RUNX1T1: variants seen among roughly 807,000 people sequenced by gnomAD.
The protein encoded by RUNX1T1 is RUNX1 partner transcriptional co-repressor 1, also known as protein CBFA2T1.
RUNX1T1 carries 4 observed loss-of-function variants against 62.8 expected under a neutral mutation model. The ratio of observed to expected loss-of-function variants is 0.06; its 90% CI spans 0.03 to 0.15. The LOEUF (loss-of-function observed/expected upper bound fraction) is 0.15. Among genes scored for constraint, RUNX1T1 ranks in the 10% least tolerant of loss-of-function variants. The probability of loss-of-function intolerance (pLI) is 1.00; values close to 1 mark genes in which losing one functional copy is unlikely to be tolerated. For missense variants in RUNX1T1, 508 were observed against 754.3 expected, an observed-to-expected ratio of 0.67 and a Z score of 3.82; for synonymous variants, 291 against 286.0, an observed-to-expected ratio of 1.02 and a Z score of -0.18.
intron 1 of RUNX1T1, among the ~76,000 whole-genome samples, chr8:92,043,449 G>A (rs1828829326): frequency 6.6e-6 from 1 of 151,214 alleles, no homozygotes; most frequent in Non-Finnish European, 1.5e-5. Context: ...CACAAAAGTA[G>A]AGAAAACTTT....
chr8:91,961,315 A>G (rs1427942834), intron 10 of RUNX1T1, among the ~76,000 whole-genome samples: 1 of 152,250 alleles, frequency 6.6e-6, no homozygotes, highest in African/African-American at 2.4e-5. Flanking sequence ...AAAACCAGCC[A>G]AATAACAATT....
intron 1 of RUNX1T1, among the ~76,000 whole-genome samples, chr8:92,040,172 C>A (rs1297300906): frequency 1.3e-5 from 2 of 152,186 alleles, no homozygotes; most frequent in African/African-American, 2.4e-5. Context: ...AGCTTATGAT[C>A]TTTCAAGACA....
At chr8:92,013,674 A>G (rs1162800953) in intron 3 of RUNX1T1, among the ~76,000 whole-genome samples, 3 of 152,180 alleles carry the variant, frequency 2.0e-5, no homozygotes, top group Non-Finnish European at 4.4e-5. Flanking sequence ...ACAGAAAATC[A>G]CAACACATGG....
intron 1 of RUNX1T1, among the ~76,000 whole-genome samples, chr8:92,038,645 T>C (rs1226313828): frequency 2.0e-5 from 3 of 152,102 alleles, no homozygotes; most frequent in African/African-American, 4.8e-5. Flanking sequence ...AAAAACCAGG[T>C]TGCATTCATC....
intron 2 of RUNX1T1, among the ~76,000 whole-genome samples, chr8:92,069,781 C>G (rs2130711651): frequency 6.6e-6 from 1 of 152,278 alleles, no homozygotes; most frequent in South Asian, 2.1e-4. Flanking sequence ...GCCTATAAAT[C>G]TCAATGCAAT....
At chr8:92,099,424 C>T (rs1238427674) in intron 1 of RUNX1T1, among the ~76,000 whole-genome samples, 1 of 152,192 alleles carries the variant, frequency 6.6e-6, no homozygotes, top group East Asian at 1.9e-4. Context: ...TAATAAATAA[C>T]TTCTATAAAG....
intron 1 of RUNX1T1, among the ~76,000 whole-genome samples, chr8:92,018,346 A>G (rs1396776765): frequency 6.6e-6 from 1 of 152,256 alleles, no homozygotes; most frequent in East Asian, 1.9e-4. Context: ...GGAAGCTGCA[A>G]TAAAAGAATA....
intron 8 of RUNX1T1, among the ~76,000 whole-genome samples, chr8:91,983,839 T>C (rs555772223): frequency 5.2e-4 from 79 of 152,176 alleles, no homozygotes; most frequent in African/African-American, 1.1e-3. Flanking sequence ...CATAGCTCAG[T>C]CCCAGAAAAT....
chr8:91,964,704 C>A (rs1811212681), intron 10 of RUNX1T1, among the ~76,000 whole-genome samples: 1 of 152,186 alleles, frequency 6.6e-6, no homozygotes. Context: ...TAAAATGCCA[C>A]ACTTTGTCAA....
At chr8:92,083,083 A>T (rs1336445762) in intron 1 of RUNX1T1, among the ~76,000 whole-genome samples, 3 of 152,220 alleles carry the variant, frequency 2.0e-5, no homozygotes, top group Admixed American at 2.0e-4. Flanking sequence ...TAATTTCAAG[A>T]AGCTTATCCT....
At chr8:92,055,450 AT>A (rs888162286) in intron 1 of RUNX1T1, among the ~76,000 whole-genome samples, 3 of 151,488 alleles carry the variant, frequency 2.0e-5, no homozygotes, top group Admixed American at 6.6e-5. Flanking sequence ...TAATTTATTA[AT>A]TTTTTTTTGA....
chr8:92,101,340 G>A (rs1318590750), upstream of RUNX1T1, among the ~76,000 whole-genome samples: 3 of 152,120 alleles, frequency 2.0e-5, no homozygotes, highest in African/African-American at 7.2e-5. Context: ...AGATTCAAGG[G>A]GCCTCAGAGT....
At chr8:92,026,480 T>C (rs4623479) in intron 1 of RUNX1T1, among the ~76,000 whole-genome samples, 35,630 of 152,208 alleles carry the variant, frequency 0.23, 4,404 homozygotes, top group African/African-American at 0.31. Context: ...AACTGGGATA[T>C]GAACTGCACT....
chr8:92,044,651 C>T (rs1196298610), intron 1 of RUNX1T1, among the ~76,000 whole-genome samples: 1 of 152,220 alleles, frequency 6.6e-6, no homozygotes, highest in Non-Finnish European at 1.5e-5. Context: ...TTATTACTGT[C>T]ATTCTCATCA....
chr8:92,041,473 G>T (rs184812297), intron 1 of RUNX1T1, among the ~76,000 whole-genome samples: 367 of 152,318 alleles, frequency 2.4e-3, no homozygotes, highest in African/African-American at 8.4e-3. Context: ...GGGCACTGTG[G>T]CTCACGCCTG....
chr8:92,034,781 TATATATATAC>T (rs1257098451), intron 1 of RUNX1T1, among the ~76,000 whole-genome samples: 1 of 93,740 alleles, frequency 1.1e-5, no homozygotes, highest in African/African-American at 3.9e-5. Flanking sequence ...TATATACACA[TATATATATAC>T]ATATATACAC....
At chr8:92,036,276 ATAT>A (rs1827394592) in intron 1 of RUNX1T1, among the ~76,000 whole-genome samples, 2 of 152,216 alleles carry the variant, frequency 1.3e-5, no homozygotes, top group Non-Finnish European at 2.9e-5. Context: ...AACCTTCTTG[ATAT>A]TATTTGTCAG....
chr8:91,968,295 A>G (rs1210133913), intron 10 of RUNX1T1, among the ~76,000 whole-genome samples: 1 of 152,150 alleles, frequency 6.6e-6, no homozygotes, highest in East Asian at 1.9e-4. Flanking sequence ...GGGCGCTCGT[A>G]ATAATTATAT....
intron 2 of RUNX1T1, among the ~76,000 whole-genome samples, chr8:92,070,355 T>C (rs545746572): frequency 6.6e-6 from 1 of 152,350 alleles, no homozygotes; most frequent in South Asian, 2.1e-4. Context: ...TATATTTATA[T>C]GTTTTCTTTT....
Sources: allele counts gnomAD v4.1 joint callset (sites outside exome capture counted in the v4.1 genomes callset), GRCh38; gene constraint gnomAD v4.1.1; transcripts MANE v1.5; gene names NCBI Gene and HGNC (gene_info 2026-07-23, HGNC 2026-07-21).